TSTD2: variants seen among roughly 807,000 people sequenced by gnomAD.
TSTD2 encodes thiosulfate sulfurtransferase like domain containing 2.
Under a neutral mutation model 47.9 loss-of-function variants are expected in TSTD2, and 37 were observed. That is an observed-to-expected ratio of 0.77 (90% CI 0.59 to 1.02). The LOEUF is 1.02. Ranked by LOEUF, TSTD2 falls within the 50% of genes least tolerant of loss-of-function variation. TSTD2 has a pLI of 0.00. For missense variants in TSTD2, 586 were observed against 616.0 expected, an observed-to-expected ratio of 0.95 and a Z score of 0.52; for synonymous variants, 201 against 215.9, an observed-to-expected ratio of 0.93 and a Z score of 0.61.
intron 5 of TSTD2, among the ~76,000 whole-genome samples, chr9:97,610,664 T>C (rs1826442745): frequency 6.6e-6 from 1 of 152,188 alleles, no homozygotes; most frequent in African/African-American, 2.4e-5. Flanking sequence ...GCTGAAAAAG[T>C]GTTTCTTTAG....
At chr9:97,619,274 T>C (rs1013288338) in intron 3 of TSTD2, among the ~76,000 whole-genome samples, 7 of 152,146 alleles carry the variant, frequency 4.6e-5, no homozygotes, top group African/African-American at 1.7e-4. Context: ...TGGCACTGAG[T>C]AGTAATGACA....
chr9:97,610,475 A>C, intron 5 of TSTD2, 24 bp from the exon 6 acceptor site: 1 of 1,504,316 alleles, frequency 6.6e-7, no homozygotes, highest in East Asian at 2.5e-5. Flanking sequence ...AACAAAACAG[A>C]ATACAGTCTT....
rs773766866 is a variant in TSTD2 at position 97,627,480 on chromosome 9, A to G, written c.83T>C (p.Met28Thr). The G allele has an allele frequency of 3.1e-6, 5 of 1,613,786 alleles. No individual in the cohort carries two copies. Among genetic ancestry groups the G allele is most frequent in the South Asian group, 1.1e-5 (1 of 91,056 alleles). ...LRFSDLDLKD[M>T]SLINPSSSLK... ...ACTGCTGCTGGGATTAATAAGACTCATATCTTTTAAATCCAGGTCAGAAAA... is the reference window on the plus strand; with the variant it reads ...ACTGCTGCTGGGATTAATAAGACTCGTATCTTTTAAATCCAGGTCAGAAAA... Residue 28 changes from methionine (M) to threonine (T), a missense_variant, in exon 2 of 10, where the codon ATG (methionine) becomes ACG (threonine). Coordinates refer to ENST00000341170, the MANE Select transcript of TSTD2 (RefSeq NM_139246.5).
In TSTD2 at chr9:97,601,497, C is replaced by T; in HGVS notation, c.*972G>A. ...AAAGCAGAGCTATCAGAGGAAATCT[C>T]TCATAGAAACGAAACCAAACCAACA... On this transcript the variant is annotated 3_prime_UTR_variant, in exon 10 of 10. Coordinates refer to ENST00000341170, the MANE Select transcript of TSTD2 (RefSeq NM_139246.5). 5.1e-6 allele frequency: 5 copies of T among 989,800 alleles called. No individual in the cohort carries two copies. The highest frequency in any genetic ancestry group is 6.0e-6 in the Non-Finnish European group (5 of 832,574). The allele number at this position is 989,800 out of a possible 1,614,324, so 61.3% of individuals were successfully genotyped here.
chr9:97,618,801 G>A (rs929732611), intron 3 of TSTD2, among the ~76,000 whole-genome samples: 38 of 152,282 alleles, frequency 2.5e-4, no homozygotes, highest in African/African-American at 9.1e-4. Context: ...CTCCTCAACA[G>A]CCTCATCATA....
intron 6 of TSTD2, among the ~76,000 whole-genome samples, chr9:97,608,669 A>T (rs1314412455): frequency 2.0e-5 from 3 of 152,182 alleles, no homozygotes; most frequent in Non-Finnish European, 2.9e-5. Flanking sequence ...AACTTCCTTC[A>T]AGTGAAAACA....
chr9:97,613,827 C>CTTTT (rs755229835), intron 4 of TSTD2, among the ~76,000 whole-genome samples: 6 of 123,068 alleles, frequency 4.9e-5, no homozygotes, highest in Admixed American at 8.2e-5. Flanking sequence ...TTGATCAATT[C>CTTTT]TTTTTTTTTT....
intron 1 of TSTD2, among the ~76,000 whole-genome samples, chr9:97,628,772 T>A (rs941424570): frequency 2.6e-5 from 4 of 152,134 alleles, no homozygotes; most frequent in African/African-American, 4.8e-5. Flanking sequence ...CAAGCTCTCA[T>A]TCTGAGATGC....
intron 6 of TSTD2, among the ~76,000 whole-genome samples, chr9:97,609,093 G>C (rs900016824): frequency 5.9e-5 from 9 of 151,812 alleles, no homozygotes; most frequent in Admixed American, 2.6e-4. Context: ...TATAATAGGG[G>C]TGACATACAT....
rs375409062 is a variant in TSTD2, at chr9:97,625,678, T to C, written c.482+3A>G. The stretch of plus-strand genomic sequence containing the variant: ...AAACCAAAATACAGAATGAAAATCT[T>C]ACCTTATCAGCTCATCAGGGTTAAA... On this transcript the variant is annotated splice_donor_region_variant and intron_variant, in intron 3 of 9. Transcript: ENST00000341170. 4,770 of 1,596,142 alleles carry C rather than the reference T, an allele frequency of 3.0e-3. 165 individuals carry two copies. The South Asian group carries it at 0.051, about 17-fold the overall frequency.
At chr9:97,625,528 G>C (rs1826704419) in intron 3 of TSTD2, among the ~76,000 whole-genome samples, 153 bp downstream of exon 3, 1 of 152,190 alleles carries the variant, frequency 6.6e-6, no homozygotes, top group South Asian at 2.1e-4. Context: ...CCCACCAACA[G>C]TGACTGGGTG....
intron 1 of TSTD2, among the ~76,000 whole-genome samples, chr9:97,629,638 A>G (rs1396877558): frequency 6.6e-6 from 1 of 152,238 alleles, no homozygotes; most frequent in Non-Finnish European, 1.5e-5. Flanking sequence ...CTAACTCTAC[A>G]CAAACCTGTA....
chr9:97,630,921 CCACT>C (rs1177583652), intron 1 of TSTD2, among the ~76,000 whole-genome samples: 2 of 152,172 alleles, frequency 1.3e-5, no homozygotes, highest in Non-Finnish European at 2.9e-5. Context: ...TTCATATACC[CCACT>C]GTGTGTGAAT....
At position 97,611,617 on chromosome 9, in the gene TSTD2, G is replaced by A. The variant is rs780714477; in HGVS notation, c.686C>T (p.Ser229Phe). 12 of 1,609,864 alleles carry A rather than the reference G, an allele frequency of 7.5e-6. No homozygotes were observed. Among genetic ancestry groups the A allele is most frequent in the Non-Finnish European group, 1.0e-5 (12 of 1,176,518 alleles). Reference protein sequence around the residue: ...ATRLYVEVMLSFPLFKDDLCK... With the variant: ...ATRLYVEVMLFFPLFKDDLCK... ...CAGGTCATCCTTAAACAATGGGAAG[G>A]AAAGCATGACTTCCACATAAAGTCT... Residue 229 changes from serine to phenylalanine, a missense_variant, in exon 5 of 10, where the codon TCC becomes TTC. Physicochemically the swap from Ser to Phe is radical, Grantham distance 155. Transcript: ENST00000341170.
intron 5 of TSTD2, chr9:97,611,099 C>T (rs567243774): frequency 6.5e-6 from 1 of 154,948 alleles, no homozygotes; most frequent in Non-Finnish European, 1.4e-5. Flanking sequence ...CGAGCATACT[C>T]CTTCTATTGT....
intron 1 of TSTD2, among the ~76,000 whole-genome samples, chr9:97,628,865 G>C (rs1826765203): frequency 6.6e-6 from 1 of 152,170 alleles, no homozygotes; most frequent in Non-Finnish European, 1.5e-5. Context: ...ACCAGGTGGA[G>C]AGGAACAGAG....
chr9:97,626,856 T>C (rs149096624), intron 2 of TSTD2, among the ~76,000 whole-genome samples: 31 of 152,316 alleles, frequency 2.0e-4, no homozygotes, highest in African/African-American at 7.5e-4. Flanking sequence ...CACTGAGTTC[T>C]ATCAGTATTT....
chr9:97,627,446 T>C lies in TSTD2; in HGVS notation c.117A>G (p.Ala39=). The C allele has an allele frequency of 6.2e-7, 1 of 1,608,856 alleles. No individual in the cohort carries two copies. The highest frequency in any genetic ancestry group is 8.5e-7 in the Non-Finnish European group (1 of 1,177,622). Residue 39 remains alanine (A), a synonymous_variant, in exon 2 of 10, where the codon GCA becomes GCG. Coordinates refer to ENST00000341170, the MANE Select transcript of TSTD2 (RefSeq NM_139246.5). ...TCTTTTTTGTACTGCCATCTAATTC[T>C]GCTTTAAGACTGCTGCTGGGATTAA... ...SLINPSSSLK[A]ELDGSTKKKY...
intron 1 of TSTD2, among the ~76,000 whole-genome samples, chr9:97,627,884 T>C (rs1394267682): frequency 2.0e-5 from 3 of 152,192 alleles, no homozygotes; most frequent in Admixed American, 6.5e-5. Flanking sequence ...ATAAATTGAT[T>C]TTTTATTTTT....
Sources: gnomAD v4.1 joint callset for allele counts (sites outside exome capture counted in the v4.1 genomes callset) on GRCh38, gnomAD v4.1.1 for gene constraint, MANE v1.5 for transcripts, NCBI Gene and HGNC (gene_info 2026-07-23, HGNC 2026-07-21) for gene names.